Variants in TJAP1 observed in about 807,000 individuals in gnomAD.
The protein encoded by TJAP1 is tight junction associated protein 1, also known as tight junction-associated protein 1.
A neutral mutation model predicts 42.0 loss-of-function variants in TJAP1; 27 were observed. That is an observed-to-expected ratio of 0.64 (90% CI 0.47 to 0.89). The LOEUF (loss-of-function observed/expected upper bound fraction) is 0.89. Ranked by LOEUF, TJAP1 falls within the 40% of genes least tolerant of loss-of-function variation. The probability of loss-of-function intolerance (pLI) is 0.00; values close to 1 mark genes in which losing one functional copy is unlikely to be tolerated. For synonymous variants in TJAP1, 257 were observed against 288.4 expected (o/e 0.89, Z 1.10); for missense variants, 712 against 726.9 (o/e 0.98, Z 0.24).
chr6:43,499,906 CCAGCGAGCATTACCT>C (rs1271750574), intron 4 of TJAP1, among the ~76,000 whole-genome samples: 1 of 152,198 alleles, frequency 6.6e-6, no homozygotes, highest in Non-Finnish European at 1.5e-5. Flanking sequence ...TAGGTGCTAC[CCAGCGAGCATTACCT>C]CAGTTTTATA....
At position 43,501,521 on chromosome 6, in the gene TJAP1, G is replaced by A; in HGVS notation, c.129-5G>A. 1.2e-6 allele frequency: 2 copies of A among 1,612,132 alleles called. No homozygotes were observed. The highest frequency in any genetic ancestry group is 1.7e-6 in the Non-Finnish European group (2 of 1,179,376). The stretch of plus-strand genomic sequence containing the variant: ...TCTGCCCTTGATCCCACAACACCCT[G>A]CCAGGCTCTTACAGGAGGAGAATGA... On this transcript the variant is annotated splice_region_variant and splice_polypyrimidine_tract_variant and intron_variant, in intron 5 of 10. Transcript: ENST00000372449.
intron 5 of TJAP1, chr6:43,501,088 C>A: frequency 2.3e-6 from 1 of 443,622 alleles, no homozygotes; most frequent in South Asian, 3.0e-5. Context: ...GCCCTTTAGC[C>A]ACATGAGGCC....
intron 8 of TJAP1, 134 bp downstream of exon 8, chr6:43,502,751 G>GT: frequency 2.9e-6 from 3 of 1,018,564 alleles, no homozygotes; most frequent in South Asian, 2.7e-5. Flanking sequence ...TATGAGGCCC[G>GT]TTTAACTGTC....
intron 2 of TJAP1, among the ~76,000 whole-genome samples, chr6:43,488,240 A>C (rs1201104049): frequency 6.8e-6 from 1 of 147,728 alleles, no homozygotes; most frequent in East Asian, 1.9e-4. Context: ...ACTCTTCTTC[A>C]GCTTTCTTTG....
In TJAP1 at chr6:43,505,838, G is replaced by GGC. The variant is rs1417987385; in HGVS notation, c.1658_1659dup (p.Asn554AlafsTer36). The GGC allele has an allele frequency of 6.8e-7, 1 of 1,479,322 alleles. No individual in the cohort carries two copies. The highest frequency in any genetic ancestry group is 2.3e-5 in the East Asian group (1 of 42,674). The allele number at this position is 1,479,322 out of a possible 1,614,324, so 91.6% of individuals were successfully genotyped here. A position where few individuals can be genotyped will look rare whatever the true frequency, so the allele number is the denominator to read the frequency against. ...CAGCCTGACCCAGGCCCAGGAGCAG[G>GGC]GCAACCTGCTCAACTAGGGCCCCTG... On this transcript the variant is annotated frameshift_variant, in exon 11 of 11. Transcript: ENST00000372449. LOFTEE classifies it high-confidence loss of function. The surrounding 1 kb of genome is among the most constrained non-coding windows in gnomAD (Gnocchi z 5.5).
At chr6:43,503,012 C>T (rs941129523) in intron 8 of TJAP1, 7 of 453,152 alleles carry the variant, frequency 1.5e-5, no homozygotes, top group Non-Finnish European at 2.8e-5. Flanking sequence ...GCCCTGCTTC[C>T]TCTTCCCTCT....
chr6:43,499,749 C>T (rs757743257), intron 4 of TJAP1, among the ~76,000 whole-genome samples: 1 of 152,212 alleles, frequency 6.6e-6, no homozygotes, highest in Non-Finnish European at 1.5e-5. Context: ...GGTCACAGTG[C>T]GTGGAGCACA....
chr6:43,486,085 C>T (rs1204699175), intron 2 of TJAP1, among the ~76,000 whole-genome samples: 3 of 150,066 alleles, frequency 2.0e-5, no homozygotes, highest in African/African-American at 2.5e-5. Context: ...AATGCTCAGC[C>T]TCCCGAGTAG....
rs377633896 is a variant in TJAP1 at position 43,498,980 on chromosome 6, G to A, written c.-22G>A. On this transcript the variant is annotated splice_region_variant and 5_prime_UTR_variant, in exon 4 of 11. Coordinates refer to ENST00000372449, the Ensembl canonical transcript of TJAP1. ...GCCTCCTTCTTGCTTCTCAGCAGGC[G>A]GAGGAGCCGTCACCTCCCAGAATGA... is the stretch of plus-strand genomic sequence containing the variant. 60 of 1,612,518 alleles carry A rather than the reference G, an allele frequency of 3.7e-5. No individual in the cohort carries two copies. In the African/African-American group the frequency reaches 4.0e-4, roughly 11 times the overall value.
At chr6:43,499,052 G>A in exon 4 of TJAP1, 1 of 1,614,108 alleles carries the variant, frequency 6.2e-7, no homozygotes, top group Non-Finnish European at 8.5e-7. Flanking sequence ...CACCACCAGA[G>A]CATCGGGAGC....
rs1189942571 is a variant in TJAP1, at chr6:43,503,206, C to T, written c.388-195C>T. ...TGGCAGGAAGTCATGCTAAGAAAGC[C>T]CCCACCCCACAGCCAGTCCAGAGAG... On this transcript the variant is annotated intron_variant, in intron 8 of 10. Transcript: ENST00000372449. 8.4e-6 allele frequency: 5 copies of T among 593,800 alleles called. No individual in the cohort carries two copies. In the East Asian group the frequency reaches 1.4e-4, roughly 17 times the overall value. 36.8% of individuals were successfully genotyped at this position (593,800 alleles called of 1,614,324 possible).
chr6:43,505,511 C>G lies in TJAP1; in HGVS notation c.1330C>G (p.Arg444Gly). 6.2e-7 allele frequency: 1 copy of G among 1,613,894 alleles called. No homozygotes were observed. The highest frequency in any genetic ancestry group is 1.1e-5 in the South Asian group (1 of 91,090). The change falls in exon 11 of 11, where the codon CGC (arginine) becomes GGC (glycine). Residue 444 changes from arginine to glycine, a missense_variant. By Grantham distance (125) the Arg-to-Gly change is moderately radical. This residue lies in a region of TJAP1 where 549 missense variants were observed against 528.2 expected (regional missense o/e 1.04). Coordinates refer to ENST00000372449, the Ensembl canonical transcript of TJAP1. This position sits in a 1 kb window ranked among gnomAD's most constrained non-coding sequence, Gnocchi z 5.5. ...ACGCGATGCCCTCCCTGAGCTGCAGCGCCATTTTGCCCATAGCCCCGCTGA... is the reference window on the plus strand; with the variant it reads ...ACGCGATGCCCTCCCTGAGCTGCAGGGCCATTTTGCCCATAGCCCCGCTGA...
At chr6:43,496,402 G>A (rs957014753) in intron 2 of TJAP1, among the ~76,000 whole-genome samples, 24 of 152,302 alleles carry the variant, frequency 1.6e-4, no homozygotes, top group East Asian at 3.9e-4. Flanking sequence ...CCCACACCCC[G>A]GGAATGTGCC....
chr6:43,500,613 C>T (rs1290150171), intron 4 of TJAP1, 131 bp from the exon 5 acceptor site: 4 of 941,408 alleles, frequency 4.2e-6, no homozygotes, highest in South Asian at 2.7e-5. Context: ...CCGTAGAGAG[C>T]CCTGCAGCCC....
intron 1 of TJAP1, 134 bp downstream of exon 1, chr6:43,477,762 C>T (rs1303559783): frequency 6.6e-6 from 1 of 150,814 alleles, no homozygotes; most frequent in Non-Finnish European, 1.5e-5. Flanking sequence ...GAGTAAGGTC[C>T]GAGGCGGAGA....
chr6:43,500,280 G>C (rs1289103720), intron 4 of TJAP1, among the ~76,000 whole-genome samples: 1 of 152,194 alleles, frequency 6.6e-6, no homozygotes, highest in Non-Finnish European at 1.5e-5. Flanking sequence ...TTCTTCCTGA[G>C]CCTCTGCAAG....
intron 2 of TJAP1, among the ~76,000 whole-genome samples, chr6:43,486,014 C>T (rs188295762): frequency 1.0e-3 from 149 of 149,262 alleles, no homozygotes; most frequent in African/African-American, 3.4e-3. Context: ...CTCTGTTGCT[C>T]AGGGTGGAGT....
At chr6:43,504,557 C>G in intron 10 of TJAP1, 1 of 684,364 alleles carries the variant, frequency 1.5e-6, no homozygotes, top group African/African-American at 1.8e-5. Flanking sequence ...GCCAAGTTAA[C>G]CAAAGCTTTG....
At chr6:43,479,074 T>C (rs1482113001) in intron 2 of TJAP1, among the ~76,000 whole-genome samples, 1 of 152,130 alleles carries the variant, frequency 6.6e-6, no homozygotes, top group Non-Finnish European at 1.5e-5. Flanking sequence ...TGAGAGGTAG[T>C]GGATTTGGTG....
Sources: gnomAD v4.1 joint callset for allele counts (sites outside exome capture counted in the v4.1 genomes callset) on GRCh38, gnomAD v4.1.1 for gene constraint, gnomAD v4.1.1 regional missense constraint, Gnocchi (gnomAD v3.1) non-coding constraint, MANE v1.5 for transcripts, NCBI Gene and HGNC (gene_info 2026-07-23, HGNC 2026-07-21) for gene names.